The following EFCAB5 variants were observed in gnomAD, a reference collection of about 807,000 sequenced individuals.
The protein encoded by EFCAB5 is EF-hand calcium binding domain 5, also known as EF-hand calcium-binding domain-containing protein 5.
EFCAB5 carries 131 observed loss-of-function variants against 167.9 expected under a neutral mutation model. The ratio of observed to expected loss-of-function variants is 0.78; its 90% CI spans 0.68 to 0.90. The LOEUF (loss-of-function observed/expected upper bound fraction) is 0.90. EFCAB5 is among the 40% of genes least tolerant of loss of function. The pLI, the probability that EFCAB5 is intolerant of heterozygous loss-of-function variation, is 0.00. For missense variants in EFCAB5, 1,663 were observed against 1,745.2 expected, an observed-to-expected ratio of 0.95 and a Z score of 0.84; for synonymous variants, 574 against 602.8, an observed-to-expected ratio of 0.95 and a Z score of 0.70.
intron 6 of EFCAB5, 30 bp downstream of exon 6, chr17:29,996,390 AT>A: frequency 6.6e-7 from 1 of 1,512,096 alleles, no homozygotes; most frequent in Non-Finnish European, 8.9e-7. Flanking sequence ...TGATATTTTT[AT>A]TTTTATTTCT....
intron 14 of EFCAB5, among the ~76,000 whole-genome samples, chr17:30,077,546 G>A (rs2070893348): frequency 6.6e-6 from 1 of 152,090 alleles, no homozygotes; most frequent in Non-Finnish European, 1.5e-5. Flanking sequence ...TATGTTACTG[G>A]TAATGTTCAG....
At chr17:30,011,960 A>G (rs575745500) in intron 7 of EFCAB5, among the ~76,000 whole-genome samples, 124 of 152,302 alleles carry the variant, frequency 8.1e-4, no homozygotes, top group Non-Finnish European at 1.6e-3. Context: ...CAATATTGTA[A>G]TAATCCTCGC....
At chr17:30,032,869 C>T (rs2069514408) in intron 7 of EFCAB5, among the ~76,000 whole-genome samples, 1 of 150,806 alleles carries the variant, frequency 6.6e-6, no homozygotes, top group Non-Finnish European at 1.5e-5. Context: ...AATTTTGCCT[C>T]GACTACACAT....
intron 14 of EFCAB5, chr17:30,073,182 A>G (rs2070787324): frequency 1.4e-6 from 1 of 697,370 alleles, no homozygotes; most frequent in Non-Finnish European, 2.6e-6. Flanking sequence ...CAGACTCCTG[A>G]GCAACTGGGA....
intron 8 of EFCAB5, among the ~76,000 whole-genome samples, chr17:30,047,033 T>C (rs1206689968): frequency 6.6e-6 from 1 of 152,214 alleles, no homozygotes; most frequent in African/African-American, 2.4e-5. Flanking sequence ...AGGATAGATA[T>C]AACTTTGGAT....
At chr17:30,015,074 A>T (rs1242269610) in intron 7 of EFCAB5, among the ~76,000 whole-genome samples, 4 of 152,270 alleles carry the variant, frequency 2.6e-5, no homozygotes, top group Admixed American at 6.5e-5. Context: ...GTTTGGCTGG[A>T]TATGAAATTC....
chr17:30,106,245 G>A (rs2071447901), intron 22 of EFCAB5, among the ~76,000 whole-genome samples: 1 of 151,420 alleles, frequency 6.6e-6, no homozygotes. Flanking sequence ...GGCAACATAA[G>A]ACCCTGTCTC....
intron 8 of EFCAB5, among the ~76,000 whole-genome samples, chr17:30,048,021 A>G (rs547218350): frequency 6.6e-6 from 1 of 152,352 alleles, no homozygotes; most frequent in South Asian, 2.1e-4. Flanking sequence ...TCACAGACTC[A>G]GGGATTACCA....
intron 19 of EFCAB5, 149 bp from the exon 20 acceptor site, chr17:30,090,272 G>A: frequency 2.0e-6 from 2 of 1,004,542 alleles, no homozygotes; most frequent in Non-Finnish European, 1.4e-6. Flanking sequence ...GAAATCAAGG[G>A]CTAGAATGCT....
Position 30,059,677 on chromosome 17 carries a change from A to G in EFCAB5, c.2713A>G (p.Met905Val), listed in dbSNP as rs747614388. ...ACTCTTGTACACATACAAGGAGGGA[A>G]TGGAAAAAGAATCTATGAAGAAAGG... ...DELLYTYKEG[M>V]EKESMKKAKL... The change falls in exon 14 of 23, where the codon ATG (methionine) becomes GTG (valine). Residue 905 changes from methionine to valine, a missense_variant. Physicochemically the swap from Met to Val is conservative, Grantham distance 21 (BLOSUM62 1). Coordinates refer to ENST00000394835, the MANE Select transcript of EFCAB5 (RefSeq NM_198529.4). 9 of 1,594,164 alleles carry G rather than the reference A, an allele frequency of 5.6e-6. No individual in the cohort carries two copies.
chr17:29,944,838 G>C (rs2067366856), intron 3 of EFCAB5, among the ~76,000 whole-genome samples: 1 of 151,966 alleles, frequency 6.6e-6, no homozygotes, highest in African/African-American at 2.4e-5. Context: ...GGCCAGGCTG[G>C]TCTCAAACTC....
intron 14 of EFCAB5, among the ~76,000 whole-genome samples, chr17:30,075,331 A>C (rs2070847495): frequency 6.6e-6 from 1 of 152,088 alleles, no homozygotes; most frequent in Non-Finnish European, 1.5e-5. Flanking sequence ...ACCCCTCAAC[A>C]GATCACCCCC....
chr17:30,073,077 G>C, intron 14 of EFCAB5: 1 of 636,084 alleles, frequency 1.6e-6, no homozygotes, highest in Non-Finnish European at 2.8e-6. Flanking sequence ...TTTTTTTTGA[G>C]ACCAGGTCTC....
intron 7 of EFCAB5, among the ~76,000 whole-genome samples, chr17:30,002,651 G>C (rs1261678277): frequency 6.6e-6 from 1 of 151,964 alleles, no homozygotes; most frequent in Non-Finnish European, 1.5e-5. Context: ...TGTGTTTTTT[G>C]CTTTTTTCAT....
chr17:29,943,369 A>G (rs2067330877), intron 2 of EFCAB5, among the ~76,000 whole-genome samples, 196 bp from the exon 3 acceptor site: 1 of 152,194 alleles, frequency 6.6e-6, no homozygotes. Flanking sequence ...AACACATTTT[A>G]TCTTGTAAAT....
chr17:30,035,530 T>C (rs898186989), intron 8 of EFCAB5, among the ~76,000 whole-genome samples: 4 of 152,170 alleles, frequency 2.6e-5, no homozygotes, highest in African/African-American at 9.7e-5. Context: ...CAAATTTAGT[T>C]ACAAGTTTTA....
intron 8 of EFCAB5, among the ~76,000 whole-genome samples, chr17:30,037,847 A>G (rs1359124261): frequency 6.6e-6 from 1 of 152,156 alleles, no homozygotes; most frequent in African/African-American, 2.4e-5. Context: ...TTAATGAAAT[A>G]TTTACTATAT....
intron 1 of EFCAB5, chr17:29,930,115 G>A: frequency 2.2e-6 from 2 of 927,638 alleles, no homozygotes; most frequent in Admixed American, 2.4e-5. Context: ...AGGGAACGGG[G>A]AGGAGGAGGA....
intron 5 of EFCAB5, 30 bp from the exon 6 acceptor site, chr17:29,996,282 T>G (rs2068541816): frequency 6.5e-7 from 1 of 1,530,240 alleles, no homozygotes; most frequent in Non-Finnish European, 8.8e-7. Flanking sequence ...GCATATGGTT[T>G]CTTTCTTTTT....
Sources: gnomAD v4.1 joint callset for allele counts (sites outside exome capture counted in the v4.1 genomes callset) on GRCh38, gnomAD v4.1.1 for gene constraint, MANE v1.5 for transcripts, NCBI Gene and HGNC (gene_info 2026-07-23, HGNC 2026-07-21) for gene names.